Variants in LPP observed in about 807,000 individuals in gnomAD.
The protein encoded by LPP is LIM domain containing preferred translocation partner in lipoma, also known as lipoma-preferred partner.
A neutral mutation model predicts 60.4 loss-of-function variants in LPP; 38 were observed. That is an observed-to-expected ratio of 0.63 (90% confidence interval 0.49 to 0.83). LPP has a LOEUF of 0.83. Among genes scored for constraint, LPP ranks in the 40% least tolerant of loss-of-function variants. The pLI, the probability that LPP is intolerant of heterozygous loss-of-function variation, is 0.00. For missense variants in LPP, 902 were observed against 783.6 expected, an observed-to-expected ratio of 1.15 and a Z score of -1.80; for synonymous variants, 328 against 290.8, an observed-to-expected ratio of 1.13 and a Z score of -1.30.
chr3:188,354,848 C>CACACACACAG (rs1459726456), intron 3 of LPP, among the ~76,000 whole-genome samples: 2 of 151,916 alleles, frequency 1.3e-5, no homozygotes, highest in Non-Finnish European at 2.9e-5. Flanking sequence ...CACACACACA[C>CACACACACAG]AGGGAGGACA....
chr3:188,587,436 T>G (rs577680420), intron 6 of LPP, among the ~76,000 whole-genome samples: 54 of 152,282 alleles, frequency 3.5e-4, no homozygotes, highest in African/African-American at 1.3e-3. Flanking sequence ...AGGGATTGTT[T>G]ATTTTCATGT....
At chr3:188,834,455 T>C (rs1215838700) in intron 9 of LPP, among the ~76,000 whole-genome samples, 1 of 151,428 alleles carries the variant, frequency 6.6e-6, no homozygotes, top group Admixed American at 6.6e-5. Context: ...GACGTTCCAT[T>C]GGGTGACTAT....
chr3:188,578,964 G>C (rs1835410220), intron 6 of LPP, among the ~76,000 whole-genome samples: 1 of 152,166 alleles, frequency 6.6e-6, no homozygotes, highest in Non-Finnish European at 1.5e-5. Flanking sequence ...CCCAGATGGA[G>C]TTTTGATTTT....
At chr3:188,825,208 CCTTTGT>C (rs910715640) in intron 9 of LPP, among the ~76,000 whole-genome samples, 1 of 147,688 alleles carries the variant, frequency 6.8e-6, no homozygotes, top group East Asian at 2.0e-4. Context: ...ATCTGTGCTG[CCTTTGT>C]CTTTGTATAG....
rs189393882 is a variant in LPP at position 188,881,692 on chromosome 3, A to G, written c.*7213A>G. 15 of 226,170 alleles carry G rather than the reference A, an allele frequency of 6.6e-5. No homozygotes were observed. The East Asian group carries it at 9.6e-4, about 14-fold the overall frequency. 14.0% of individuals were successfully genotyped at this position (226,170 alleles called of 1,614,324 possible). A position where few individuals can be genotyped will look rare whatever the true frequency, so the allele number is the denominator to read the frequency against. Reference sequence around the variant, plus strand: ...GAAAACAGGAAGCAAGCTAATGCATATGCCATCCATGAGATTCCCACTTCT... The same window carrying G: ...GAAAACAGGAAGCAAGCTAATGCATGTGCCATCCATGAGATTCCCACTTCT... On this transcript the variant is annotated 3_prime_UTR_variant, in exon 12 of 12. Coordinates refer to ENST00000617246, the MANE Select transcript of LPP (RefSeq NM_001375462.1).
chr3:188,731,592 G>A (rs958524959), intron 8 of LPP, among the ~76,000 whole-genome samples: 3 of 147,084 alleles, frequency 2.0e-5, no homozygotes, highest in African/African-American at 4.9e-5. Context: ...GTGCGATCTC[G>A]GCTCACTGCA....
intron 3 of LPP, among the ~76,000 whole-genome samples, chr3:188,357,626 G>T (rs114046543): frequency 0.037 from 5,663 of 152,256 alleles, 149 homozygotes; most frequent in Non-Finnish European, 0.061. Flanking sequence ...TTCTGGAGTG[G>T]TTCCTTGTTC....
chr3:188,308,945 T>TTCTTCTC (rs1560228376), intron 2 of LPP, among the ~76,000 whole-genome samples: 1 of 150,986 alleles, frequency 6.6e-6, no homozygotes, highest in East Asian at 1.9e-4. Context: ...CTCCTCCTCC[T>TTCTTCTC]CCTTCTCCCT....
chr3:188,451,796 T>A (rs1796643775), intron 4 of LPP, among the ~76,000 whole-genome samples: 1 of 152,124 alleles, frequency 6.6e-6, no homozygotes, highest in Admixed American at 6.5e-5. Flanking sequence ...GAGAGAATAA[T>A]GTGTGCAGAG....
intron 6 of LPP, among the ~76,000 whole-genome samples, chr3:188,564,661 G>A (rs886106585): frequency 6.6e-6 from 1 of 151,880 alleles, no homozygotes; most frequent in South Asian, 2.1e-4. Flanking sequence ...GGAATTTATG[G>A]TAATATACAG....
intron 4 of LPP, among the ~76,000 whole-genome samples, chr3:188,419,370 A>G (rs1392120754): frequency 1.3e-5 from 2 of 152,166 alleles, no homozygotes; most frequent in Admixed American, 6.5e-5. Flanking sequence ...TACAGCTTCT[A>G]TTTGTGAAGT....
At chr3:188,223,641 G>T (rs1489105388) in intron 1 of LPP, among the ~76,000 whole-genome samples, 3 of 152,168 alleles carry the variant, frequency 2.0e-5, no homozygotes, top group African/African-American at 2.4e-5. Flanking sequence ...CAGGGCCAAG[G>T]GTGGAGAGCT....
chr3:188,536,846 G>A (rs959721774), intron 6 of LPP, among the ~76,000 whole-genome samples: 18 of 152,272 alleles, frequency 1.2e-4, no homozygotes, highest in South Asian at 4.1e-4. Context: ...TCATCTTGAT[G>A]TTGTACTGCT....
chr3:188,533,723 A>C (rs1822820834), intron 6 of LPP, among the ~76,000 whole-genome samples: 1 of 152,196 alleles, frequency 6.6e-6, no homozygotes, highest in Non-Finnish European at 1.5e-5. Context: ...TGTTTTACTT[A>C]GAGGATCTGT....
intron 2 of LPP, among the ~76,000 whole-genome samples, chr3:188,333,058 T>C (rs1331463427): frequency 1.3e-5 from 2 of 152,214 alleles, no homozygotes; most frequent in Non-Finnish European, 2.9e-5. Flanking sequence ...AATTTTTCTA[T>C]ATTTCCAAGT....
intron 2 of LPP, among the ~76,000 whole-genome samples, chr3:188,263,740 C>G (rs1734479897): frequency 6.6e-6 from 1 of 152,212 alleles, no homozygotes; most frequent in African/African-American, 2.4e-5. Context: ...TAATAAGTAC[C>G]TTTCTAACCC....
chr3:188,380,869 A>T (rs1476939484), intron 3 of LPP, among the ~76,000 whole-genome samples: 2 of 152,246 alleles, frequency 1.3e-5, no homozygotes, highest in East Asian at 3.8e-4. Context: ...GTGTTATCTC[A>T]TTCAGTCTTT....
At chr3:188,700,149 C>A (rs1243746289) in intron 7 of LPP, among the ~76,000 whole-genome samples, 3 of 151,924 alleles carry the variant, frequency 2.0e-5, no homozygotes, top group African/African-American at 7.3e-5. Flanking sequence ...GCTCTGGTAC[C>A]CAGAGTGATA....
intron 5 of LPP, among the ~76,000 whole-genome samples, chr3:188,499,765 T>C (rs1333790099): frequency 1.3e-5 from 2 of 152,198 alleles, no homozygotes; most frequent in East Asian, 3.8e-4. Flanking sequence ...CATTTATTTA[T>C]GTCTTCTTTA....
Sources: allele counts gnomAD v4.1 joint callset (sites outside exome capture counted in the v4.1 genomes callset), GRCh38; gene constraint gnomAD v4.1.1; transcripts MANE v1.5; gene names NCBI Gene and HGNC (gene_info 2026-07-23, HGNC 2026-07-21).